The following PCDH9 variants were observed in gnomAD, a reference collection of about 807,000 sequenced individuals.
The protein encoded by PCDH9 is protocadherin 9, also known as protocadherin-9.
In PCDH9, 24 loss-of-function variants were observed where a neutral mutation model predicts 70.6. The observed-to-expected ratio is 0.34, with a 90% CI of 0.25 to 0.48. The LOEUF is 0.48. PCDH9 is among the 20% of genes least tolerant of loss of function. The pLI is 0.99. For missense variants in PCDH9, 1,281 were observed against 1,503.6 expected (o/e 0.85, Z 2.45); for synonymous variants, 562 against 558.5 (o/e 1.01, Z -0.09).
At chr13:66,542,425 C>G (rs552062049) in intron 4 of PCDH9, among the ~76,000 whole-genome samples, 32 of 151,976 alleles carry the variant, frequency 2.1e-4, no homozygotes, top group Admixed American at 1.8e-3. Context: ...GTTGCCCTCA[C>G]TAATGTGGGT....
intron 2 of PCDH9, among the ~76,000 whole-genome samples, chr13:67,140,995 G>A (rs1250601871): frequency 2.0e-5 from 3 of 151,812 alleles, no homozygotes; most frequent in East Asian, 1.9e-4. Context: ...GCTATTGTAT[G>A]TATTATTGGA....
At chr13:67,036,865 C>G (rs565265434) in intron 2 of PCDH9, among the ~76,000 whole-genome samples, 1 of 152,308 alleles carries the variant, frequency 6.6e-6, no homozygotes, top group African/African-American at 2.4e-5. Flanking sequence ...CGGAAGCCTT[C>G]GTGGTCTGAG....
chr13:66,521,729 T>C (rs1022402249), intron 4 of PCDH9, among the ~76,000 whole-genome samples: 1 of 152,082 alleles, frequency 6.6e-6, no homozygotes, highest in Non-Finnish European at 1.5e-5. Context: ...ATTCACTTGG[T>C]TAGAGGACTT....
At chr13:66,717,117 T>G (rs1000478628) in intron 3 of PCDH9, among the ~76,000 whole-genome samples, 1 of 151,956 alleles carries the variant, frequency 6.6e-6, no homozygotes, top group Non-Finnish European at 1.5e-5. Context: ...TTAGAGGACT[T>G]CAAGGTGTTT....
chr13:66,797,936 G>T (rs1485022603), intron 3 of PCDH9, among the ~76,000 whole-genome samples: 1 of 150,742 alleles, frequency 6.6e-6, no homozygotes, highest in Non-Finnish European at 1.5e-5. Flanking sequence ...ATTAAACAAT[G>T]TGTTCTGTTT....
intron 4 of PCDH9, among the ~76,000 whole-genome samples, chr13:66,373,285 A>G (rs1956691245): frequency 6.6e-6 from 1 of 152,014 alleles, no homozygotes; most frequent in African/African-American, 2.4e-5. Flanking sequence ...AATCCAACTT[A>G]CAAACTTACA....
chr13:67,120,044 C>G (rs1428731913), intron 2 of PCDH9, among the ~76,000 whole-genome samples: 1 of 151,986 alleles, frequency 6.6e-6, no homozygotes, highest in Non-Finnish European at 1.5e-5. Flanking sequence ...TTAATCATCT[C>G]TTACTGTCCC....
At chr13:66,978,762 T>G (rs577241764) in intron 2 of PCDH9, among the ~76,000 whole-genome samples, 47 of 149,798 alleles carry the variant, frequency 3.1e-4, no homozygotes, top group African/African-American at 1.1e-3. Context: ...TATATAAATG[T>G]ATATGATTTT....
At chr13:66,400,879 C>T (rs950804391) in intron 4 of PCDH9, among the ~76,000 whole-genome samples, 5 of 152,158 alleles carry the variant, frequency 3.3e-5, no homozygotes, top group African/African-American at 1.2e-4. Flanking sequence ...GATTTCCATT[C>T]CTCTGTGCTT....
intron 4 of PCDH9, among the ~76,000 whole-genome samples, chr13:66,349,706 A>G (rs1483410551): frequency 6.6e-6 from 1 of 152,126 alleles, no homozygotes; most frequent in Non-Finnish European, 1.5e-5. Flanking sequence ...CTTAGGGGGT[A>G]GTGAGAGATT....
chr13:67,143,743 G>A (rs2087453103), intron 2 of PCDH9, among the ~76,000 whole-genome samples: 1 of 152,096 alleles, frequency 6.6e-6, no homozygotes, highest in African/African-American at 2.4e-5. Flanking sequence ...CAGACCCTGA[G>A]GAAGAAAAGC....
chr13:66,706,130 G>A (rs1652821087), intron 3 of PCDH9, among the ~76,000 whole-genome samples: 1 of 152,182 alleles, frequency 6.6e-6, no homozygotes, highest in African/African-American at 2.4e-5. Flanking sequence ...ATTTGAACGG[G>A]AGAAATACCC....
At chr13:67,095,459 T>C (rs1428704077) in intron 2 of PCDH9, among the ~76,000 whole-genome samples, 1 of 152,120 alleles carries the variant, frequency 6.6e-6, no homozygotes, top group African/African-American at 2.4e-5. Context: ...TAAACAATAG[T>C]CAAACAATGT....
At chr13:66,456,954 C>T (rs75448918) in intron 4 of PCDH9, among the ~76,000 whole-genome samples, 4,700 of 151,780 alleles carry the variant, frequency 0.031, 196 homozygotes, top group African/African-American at 0.092. Flanking sequence ...AACTGTGTAC[C>T]CGTTCGTAAT....
At chr13:66,474,180 C>G (rs1385698269) in intron 4 of PCDH9, among the ~76,000 whole-genome samples, 1 of 152,166 alleles carries the variant, frequency 6.6e-6, no homozygotes, top group East Asian at 1.9e-4. Context: ...ACATCCATGT[C>G]TCATTTTGAC....
intron 4 of PCDH9, among the ~76,000 whole-genome samples, chr13:66,603,043 T>C (rs927254907): frequency 3.4e-5 from 5 of 145,970 alleles, no homozygotes; most frequent in African/African-American, 1.2e-4. Flanking sequence ...CTCTTTGATG[T>C]TCAAACTATG....
chr13:66,638,625 G>A (rs1242829542), intron 3 of PCDH9, among the ~76,000 whole-genome samples: 1 of 152,030 alleles, frequency 6.6e-6, no homozygotes, highest in Non-Finnish European at 1.5e-5. Flanking sequence ...AATAACGATT[G>A]ATGAAATCAA....
chr13:66,732,015 T>C (rs937891819), intron 3 of PCDH9, among the ~76,000 whole-genome samples: 6 of 151,996 alleles, frequency 3.9e-5, no homozygotes, highest in Non-Finnish European at 8.8e-5. Flanking sequence ...ACATTAAAAA[T>C]AATTTTGACA....
At chr13:67,204,503 G>A (rs2089292682) in intron 2 of PCDH9, 1 of 152,094 alleles carries the variant, frequency 6.6e-6, no homozygotes, top group African/African-American at 2.4e-5. Context: ...TAGAATTGAT[G>A]TATATTAATC....
Sources: gnomAD v4.1 joint callset for allele counts (sites outside exome capture counted in the v4.1 genomes callset) on GRCh38, gnomAD v4.1.1 for gene constraint, MANE v1.5 for transcripts, NCBI Gene and HGNC (gene_info 2026-07-23, HGNC 2026-07-21) for gene names.